Variants in INO80D observed in about 807,000 individuals in gnomAD.
INO80D encodes the protein INO80 complex subunit D.
A neutral mutation model predicts 87.6 loss-of-function variants in INO80D; 21 were observed. The observed-to-expected ratio is 0.24, with a 90% confidence interval of 0.17 to 0.35. INO80D has a LOEUF of 0.35. Ranked by LOEUF, INO80D falls within the 10% of genes least tolerant of loss-of-function variation. INO80D has a pLI of 1.00. For synonymous variants in INO80D, 440 were observed against 491.0 expected (o/e 0.90, Z 1.37); for missense variants, 982 against 1,280.7 (o/e 0.77, Z 3.56).
At chr2:206,041,768 T>C (rs1269206311) in intron 5 of INO80D, among the ~76,000 whole-genome samples, 1 of 152,194 alleles carries the variant, frequency 6.6e-6, no homozygotes, top group African/African-American at 2.4e-5. Context: ...TAGAAATCAG[T>C]ATCTGGGAAA....
At chr2:206,080,708 C>T (rs570813799) in intron 1 of INO80D, among the ~76,000 whole-genome samples, 8 of 151,748 alleles carry the variant, frequency 5.3e-5, no homozygotes, top group Admixed American at 1.3e-4. Context: ...GAGACCGAGA[C>T]CATCCTGGCT....
intron 7 of INO80D, 79 bp downstream of exon 7, chr2:206,019,657 C>T (rs1393557794): frequency 5.5e-5 from 54 of 974,676 alleles, no homozygotes; most frequent in Non-Finnish European, 8.1e-5. Context: ...AAGTCATTCA[C>T]TTGAATTAAA....
Position 206,004,811 on chromosome 2 carries a change from C to G in INO80D, c.2641G>C (p.Gly881Arg). The change falls in exon 11 of 11, where the codon GGA becomes CGA. Residue 881 changes from glycine (G) to arginine (R), a missense_variant. Gly to Arg is a moderately radical substitution (Grantham distance 125). Coordinates refer to ENST00000403263, the MANE Select transcript of INO80D (RefSeq NM_017759.5). The surrounding 1 kb of genome is among the most constrained non-coding windows in gnomAD (Gnocchi z 4.9). ...TGAGTTCTGGGGTTTACCACGCCTC[C>G]AAGTGGCACCTCAAGTTGGGTTGGG... Reference protein sequence around the residue: ...LLPTQLEVPLGGVVNPRTHWG... With the variant: ...LLPTQLEVPLRGVVNPRTHWG... 11 of 1,613,980 alleles carry G rather than the reference C, an allele frequency of 6.8e-6. No individual in the cohort carries two copies. The highest frequency in any genetic ancestry group is 9.3e-6 in the Non-Finnish European group (11 of 1,179,882).
chr2:206,049,942 G>A (rs1324709801), intron 4 of INO80D, among the ~76,000 whole-genome samples: 1 of 151,836 alleles, frequency 6.6e-6, no homozygotes, highest in Non-Finnish European at 1.5e-5. Flanking sequence ...GACCAGCCTG[G>A]CCAACGTGGT....
At chr2:206,045,672 C>T (rs1313630624) in intron 5 of INO80D, among the ~76,000 whole-genome samples, 2 of 151,528 alleles carry the variant, frequency 1.3e-5, no homozygotes, top group South Asian at 2.1e-4. Flanking sequence ...CGACAGCTTT[C>T]CAATAAGGAA....
At chr2:206,043,779 C>T (rs1194896934) in intron 5 of INO80D, among the ~76,000 whole-genome samples, 2 of 150,836 alleles carry the variant, frequency 1.3e-5, no homozygotes, top group East Asian at 2.0e-4. Context: ...GACGACTGTG[C>T]CTGGCCGAGG....
intron 1 of INO80D, among the ~76,000 whole-genome samples, chr2:206,078,084 A>AC (rs1690170989): frequency 6.6e-6 from 1 of 150,410 alleles, no homozygotes; most frequent in Admixed American, 6.6e-5. Context: ...AAAAAAAAAA[A>AC]AAAAGGTTGA....
In INO80D at chr2:205,997,966, A is replaced by G. The variant is rs1173455630; in HGVS notation, c.*6402T>C. On this transcript the variant is annotated 3_prime_UTR_variant, in exon 11 of 11. Coordinates refer to ENST00000403263, the MANE Select transcript of INO80D (RefSeq NM_017759.5). Reference sequence around the variant, plus strand: ...GCATGTGTGTAAAAAATACAGACATATACATGCACACAAGTAATTTAGTTC... The same window carrying G: ...GCATGTGTGTAAAAAATACAGACATGTACATGCACACAAGTAATTTAGTTC... 2 of 152,200 alleles carry G rather than the reference A, an allele frequency of 1.3e-5. No homozygotes were observed. Among genetic ancestry groups the G allele is most frequent in the Non-Finnish European group, 2.9e-5 (2 of 68,018 alleles). The allele number at this position is 152,200 out of a possible 1,614,324, so 9.4% of individuals were successfully genotyped here. A position where few individuals can be genotyped will look rare whatever the true frequency, so the allele number is the denominator to read the frequency against.
chr2:206,059,752 T>G (rs1689634644), intron 3 of INO80D, among the ~76,000 whole-genome samples: 1 of 152,122 alleles, frequency 6.6e-6, no homozygotes, highest in Admixed American at 6.5e-5. Flanking sequence ...TGTGTGTGTG[T>G]GTCTGTGTGT....
chr2:206,060,044 A>G (rs948940406), intron 3 of INO80D, among the ~76,000 whole-genome samples: 1 of 151,946 alleles, frequency 6.6e-6, no homozygotes, highest in Non-Finnish European at 1.5e-5. Flanking sequence ...TCTCCACAAA[A>G]AGTTTTCAAA....
chr2:206,014,436 G>A (rs1240310951), intron 8 of INO80D, among the ~76,000 whole-genome samples: 1 of 152,108 alleles, frequency 6.6e-6, no homozygotes, highest in East Asian at 1.9e-4. Context: ...ACTGAACTAT[G>A]GGGGCAGGTC....
At position 206,028,158 on chromosome 2, in the gene INO80D, A is replaced by G. The variant is rs1459934329; in HGVS notation, c.1251T>C (p.Thr417=). 2 of 1,574,214 alleles carry G rather than the reference A, an allele frequency of 1.3e-6. No homozygotes were observed. Among genetic ancestry groups the G allele is most frequent in the South Asian group, 1.2e-5 (1 of 86,388 alleles). ...TCCGCAGTTCTTGTATTAACTGACC[A>G]GTGCATTCTGGTTCTTTACTGGCCG... The part of the protein sequence containing the change: ...LQAASKEPEC[T]GQLIQELRRA... The change falls in exon 6 of 11, where the codon ACT becomes ACC. Residue 417 remains threonine, a synonymous_variant. Transcript: ENST00000403263.
In INO80D at chr2:206,004,276, T is replaced by C; in HGVS notation, c.*92A>G. On this transcript the variant is annotated 3_prime_UTR_variant, in exon 11 of 11. Transcript: ENST00000403263. This position sits in a 1 kb window ranked among gnomAD's most constrained non-coding sequence, Gnocchi z 4.9. ...GCCCCTCTGATCCCCATCTGTTATA[T>C]CTTCTTTAGGAAAAGGGGAGAGGGG... 2 of 1,210,698 alleles carry C rather than the reference T, an allele frequency of 1.7e-6. No individual in the cohort carries two copies. The highest frequency in any genetic ancestry group is 2.3e-6 in the Non-Finnish European group (2 of 860,068). The allele number at this position is 1,210,698 out of a possible 1,614,324, so 75.0% of individuals were successfully genotyped here.
rs1005396337 is a variant in INO80D, at chr2:206,017,640, T to C, written c.1542+40A>G. 3 of 1,489,456 alleles carry C rather than the reference T, an allele frequency of 2.0e-6. No homozygotes were observed. The East Asian group carries it at 7.3e-5, about 36-fold the overall frequency. 92.3% of individuals were successfully genotyped at this position (1,489,456 alleles called of 1,614,324 possible). On this transcript the variant is annotated intron_variant, in intron 8 of 10. Transcript: ENST00000403263. ...GTTATAAAATACTTCCTACAGTGGA[T>C]AGCTACAAAAAGTTTGAAAGCCTCT... is the stretch of plus-strand genomic sequence containing the variant.
At position 206,085,110 on chromosome 2, in the gene INO80D, TG is replaced by T. The variant is rs1690404179; in HGVS notation, c.-124+790del. On this transcript the variant is annotated intron_variant, in intron 1 of 10. Coordinates refer to ENST00000403263, the MANE Select transcript of INO80D (RefSeq NM_017759.5). The surrounding 1 kb of genome is among the most constrained non-coding windows in gnomAD (Gnocchi z 4.5). ...TAGCCGAGTGCGCTCCCCCACGCCCTGGGGGGTCCCGGGCGCTAGGACCAGG... is the reference window on the plus strand; with the variant it reads ...TAGCCGAGTGCGCTCCCCCACGCCCTGGGGGTCCCGGGCGCTAGGACCAGG... 6.6e-6 allele frequency among the ~76,000 whole-genome samples: 1 copy of T among 151,910 alleles called. No homozygotes were observed. The highest frequency in any genetic ancestry group is 1.5e-5 in the Non-Finnish European group (1 of 67,976).
At chr2:206,016,688 T>TG (rs1688326500) in intron 8 of INO80D, among the ~76,000 whole-genome samples, 1 of 152,232 alleles carries the variant, frequency 6.6e-6, no homozygotes, top group Non-Finnish European at 1.5e-5. Flanking sequence ...CCACGTGTTG[T>TG]GGGAGGGACC....
Position 206,062,956 on chromosome 2 carries a change from T to C in INO80D, c.61A>G (p.Ser21Gly). 6.2e-7 allele frequency: 1 copy of C among 1,613,344 alleles called. No individual in the cohort carries two copies. Among genetic ancestry groups the C allele is most frequent in the Non-Finnish European group, 8.5e-7 (1 of 1,179,728 alleles). ...CGCCTCTGCTTGCACAGTTTGGGGC[T>C]ATATGAGCACAAGGGCTTATTGTCA... Reference protein sequence around the residue: ...EVDNKPLCSYSPKLCKQRRLN... With the variant: ...EVDNKPLCSYGPKLCKQRRLN... Residue 21 changes from serine (S) to glycine (G), a missense_variant, in exon 3 of 11, where the codon AGC (serine) becomes GGC (glycine). Ser to Gly is a moderately conservative substitution (Grantham distance 56). Coordinates refer to ENST00000403263, the MANE Select transcript of INO80D (RefSeq NM_017759.5). The surrounding 1 kb of genome is among the most constrained non-coding windows in gnomAD (Gnocchi z 4.6).
At chr2:206,049,370 G>A (rs559992899) in intron 4 of INO80D, among the ~76,000 whole-genome samples, 1 of 152,256 alleles carries the variant, frequency 6.6e-6, no homozygotes, top group East Asian at 1.9e-4. Context: ...GCAATTAAAT[G>A]ATCACAGCAT....
chr2:206,004,023 A>T lies in INO80D; in HGVS notation c.*345T>A, dbSNP rs893478811. 6 of 304,390 alleles carry T rather than the reference A, an allele frequency of 2.0e-5. No individual in the cohort carries two copies. The highest frequency in any genetic ancestry group is 1.1e-4 in the African/African-American group (5 of 47,584). 18.9% of individuals were successfully genotyped at this position (304,390 alleles called of 1,614,324 possible). A position where few individuals can be genotyped will look rare whatever the true frequency, so the allele number is the denominator to read the frequency against. On this transcript the variant is annotated 3_prime_UTR_variant, in exon 11 of 11. Coordinates refer to ENST00000403263, the MANE Select transcript of INO80D (RefSeq NM_017759.5). The surrounding 1 kb of genome is among the most constrained non-coding windows in gnomAD (Gnocchi z 4.9). ...CCTGGCAACAGAATGGAAAGCACTG[A>T]TCTGAATACTAGGAAATAGTAAAGG...
Sources: allele counts gnomAD v4.1 joint callset (sites outside exome capture counted in the v4.1 genomes callset), GRCh38; gene constraint gnomAD v4.1.1; non-coding constraint Gnocchi (gnomAD v3.1); transcripts MANE v1.5; gene names NCBI Gene and HGNC (gene_info 2026-07-23, HGNC 2026-07-21).